The following ADAM8 variants were observed in gnomAD, a reference collection of about 807,000 sequenced individuals.
The protein encoded by ADAM8 is ADAM metallopeptidase domain 8.
ADAM8 carries 104 observed loss-of-function variants against 102.4 expected under a neutral mutation model. The ratio of observed to expected loss-of-function variants is 1.02; its 90% CI spans 0.87 to 1.20. ADAM8 has a LOEUF of 1.20. ADAM8 is among the 50% of genes most tolerant of loss of function. The pLI is 0.00. For synonymous variants in ADAM8, 517 were observed against 485.2 expected, an observed-to-expected ratio of 1.07 and a Z score of -0.86; for missense variants, 1,132 against 1,159.0, an observed-to-expected ratio of 0.98 and a Z score of 0.34.
chr10:133,264,173 C>T (rs1288858264), intron 21 of ADAM8, among the ~76,000 whole-genome samples: 3 of 151,650 alleles, frequency 2.0e-5, no homozygotes, highest in African/African-American at 7.3e-5. Flanking sequence ...GCGATCCTCC[C>T]GCCTCAGCCT....
chr10:133,268,017 C>T lies in ADAM8; in HGVS notation c.2165G>A (p.Gly722Asp), dbSNP rs189154556. 8 of 1,260,856 alleles carry T rather than the reference C, an allele frequency of 6.3e-6. No homozygotes were observed. Among genetic ancestry groups the T allele is most frequent in the Non-Finnish European group, 8.0e-6 (8 of 996,054 alleles). The allele number at this position is 1,260,856 out of a possible 1,614,324, so 78.1% of individuals were successfully genotyped here. A position where few individuals can be genotyped will look rare whatever the true frequency, so the allele number is the denominator to read the frequency against. ...GGTGGTGGGGACCAGCTCTTGGGGG[C>T]CCCTGGATGGGGCTGGAGCCCCGCC... ...AKGGAPAPSRGPQELVPTTHP... is the reference protein window; with the variant it reads ...AKGGAPAPSRDPQELVPTTHP... Residue 722 changes from glycine (G) to aspartate (D), a missense_variant, in exon 20 of 23, where the codon GGC (glycine) becomes GAC (aspartate). Physicochemically the swap from Gly to Asp is moderately conservative, Grantham distance 94 (BLOSUM62 -1). Coordinates refer to ENST00000445355, the MANE Select transcript of ADAM8 (RefSeq NM_001109.5).
At chr10:133,270,235 G>T in intron 16 of ADAM8, 125 bp downstream of exon 16, 1 of 1,294,134 alleles carries the variant, frequency 7.7e-7, no homozygotes, top group Non-Finnish European at 1.1e-6. Flanking sequence ...TCTACTAGAA[G>T]CGCGGAGAGA....
intron 21 of ADAM8, among the ~76,000 whole-genome samples, chr10:133,266,522 C>T (rs2136074558): frequency 6.6e-6 from 1 of 152,288 alleles, no homozygotes. Context: ...GGAGGGGGTC[C>T]CCGGAGATGC....
At chr10:133,274,076 G>A (rs755857679) in intron 3 of ADAM8, 47 bp from the exon 4 acceptor site, 2 of 1,591,786 alleles carry the variant, frequency 1.3e-6, no homozygotes, top group Non-Finnish European at 8.5e-7. Context: ...GGTGCAGAGA[G>A]GCTGGCCCAG....
intron 20 of ADAM8, 131 bp from the exon 21 acceptor site, chr10:133,267,548 C>T (rs1846363629): frequency 2.2e-6 from 2 of 908,836 alleles, no homozygotes; most frequent in East Asian, 2.6e-5. Flanking sequence ...CACAGGGCCC[C>T]ACCCCAGATG....
intron 18 of ADAM8, 193 bp from the exon 19 acceptor site, chr10:133,269,055 T>C (rs956678321): frequency 3.0e-6 from 3 of 985,326 alleles, no homozygotes; most frequent in Admixed American, 6.1e-5. Context: ...AGGGTGGCCC[T>C]GGGCCACAGT....
At chr10:133,266,366 G>A (rs1191515058) in intron 21 of ADAM8, among the ~76,000 whole-genome samples, 1 of 152,148 alleles carries the variant, frequency 6.6e-6, no homozygotes, top group Non-Finnish European at 1.5e-5. Flanking sequence ...GATTCTCTAG[G>A]CTATTTTTGC....
Position 133,263,183 on chromosome 10 carries a change from T to C in ADAM8, c.2448A>G (p.Gln816=). The C allele has an allele frequency of 1.2e-6, 2 of 1,613,730 alleles. No homozygotes were observed. Among genetic ancestry groups the C allele is most frequent in the Non-Finnish European group, 1.7e-6 (2 of 1,179,728 alleles). ...AGGGTGCTGTGGGAGCTCCGGCTCC[T>C]TGCTTCCTCTGGATGGGGGGCTTCA... is the stretch of plus-strand genomic sequence containing the variant. ...VALKPPIQRK[Q]GAGAPTAP The change falls in exon 23 of 23, where the codon CAA becomes CAG. Residue 816 remains glutamine, a synonymous_variant. Transcript: ENST00000445355.
Position 133,269,441 on chromosome 10 carries a change from C to G in ADAM8, c.1948+4G>C. 6.3e-7 allele frequency: 1 copy of G among 1,584,348 alleles called. No homozygotes were observed. The highest frequency in any genetic ancestry group is 8.5e-7 in the Non-Finnish European group (1 of 1,169,884). Reference sequence around the variant, plus strand: ...CCCCACCTGCGCTGGCCAGGGAGGCCTACCTGCGTGCACCTCAGTCAGCAG... The same window carrying G: ...CCCCACCTGCGCTGGCCAGGGAGGCGTACCTGCGTGCACCTCAGTCAGCAG... On this transcript the variant is annotated splice_donor_region_variant and intron_variant, in intron 18 of 22. Transcript: ENST00000445355.
At chr10:133,263,643 G>GTCAGCCCCGTGGGGAGGCCGTGCCT in intron 22 of ADAM8, 45 bp downstream of exon 22, 1 of 244,256 alleles carries the variant, frequency 4.1e-6, no homozygotes, top group Admixed American at 1.3e-4. Flanking sequence ...AGGCCGTGCC[G>GTCAGCCCCGTGGGGAGGCCGTGCCT]TCCATTGCAC....
intron 20 of ADAM8, 25 bp downstream of exon 20, chr10:133,267,904 T>G: frequency 7.9e-7 from 1 of 1,258,622 alleles, no homozygotes; most frequent in Non-Finnish European, 1.0e-6. Flanking sequence ...TTCGGCCTCA[T>G]GAACCCGCCA....
chr10:133,272,568 G>A lies in ADAM8; in HGVS notation c.723C>T (p.Asn241=), dbSNP rs1004439805. ...NHVDKLYQKL[N]FRVVLVGLEI... Reference sequence around the variant, plus strand: ...CCAGGCCCACCAGGACCACACGGAAGTTGAGTTTCTGATATAGCTGGAGAG... The same window carrying A: ...CCAGGCCCACCAGGACCACACGGAAATTGAGTTTCTGATATAGCTGGAGAG... Residue 241 remains asparagine, a synonymous_variant, in exon 9 of 23, where the codon AAC becomes AAT. Transcript: ENST00000445355. 6 of 1,610,696 alleles carry A rather than the reference G, an allele frequency of 3.7e-6. No individual in the cohort carries two copies. In the African/African-American group the frequency reaches 8.0e-5, roughly 22 times the overall value.
In ADAM8 at chr10:133,275,598, G is replaced by C; in HGVS notation, c.47-11C>G. On this transcript the variant is annotated splice_polypyrimidine_tract_variant and intron_variant, in intron 1 of 22. Transcript: ENST00000445355. ...GGCTGGGGGCAATCGCTGCAGGAGG[G>C]AGGGTCAGCAGGCATGAGGGGCCGG... 6.9e-7 allele frequency: 1 copy of C among 1,456,740 alleles called. No individual in the cohort carries two copies. The highest frequency in any genetic ancestry group is 9.1e-7 in the Non-Finnish European group (1 of 1,100,666). 90.2% of individuals were successfully genotyped at this position (1,456,740 alleles called of 1,614,324 possible).
In ADAM8 at chr10:133,271,000, C is replaced by T. The variant is rs749352707; in HGVS notation, c.1445G>A (p.Arg482Gln). The change falls in exon 14 of 23, where the codon CGG (arginine) becomes CAG (glutamine). Residue 482 changes from arginine (R) to glutamine (Q), a missense_variant. Coordinates refer to ENST00000445355, the MANE Select transcript of ADAM8 (RefSeq NM_001109.5). Reference protein sequence around the residue: ...MCDLEEFCDGRHPECPEDAFQ... With the variant: ...MCDLEEFCDGQHPECPEDAFQ... ...GGCGTCTTCCGGGCACTCAGGGTGCCGGCCGTCACAGAACTCCTCGAGGTC... is the reference window on the plus strand; with the variant it reads ...GGCGTCTTCCGGGCACTCAGGGTGCTGGCCGTCACAGAACTCCTCGAGGTC... 2.9e-5 allele frequency: 46 copies of T among 1,612,846 alleles called. No homozygotes were observed. The highest frequency in any genetic ancestry group is 3.7e-5 in the Non-Finnish European group (44 of 1,179,966).
At chr10:133,265,668 G>C (rs1185673913) in intron 21 of ADAM8, among the ~76,000 whole-genome samples, 1 of 152,020 alleles carries the variant, frequency 6.6e-6, no homozygotes, top group African/African-American at 2.4e-5. Context: ...ATGGTCGCGG[G>C]CACCTGTAGT....
Position 133,276,833 on chromosome 10 carries a change from C to G in ADAM8, c.-16G>C. On this transcript the variant is annotated 5_prime_UTR_variant, in exon 1 of 23. Transcript: ENST00000445355. ...GGCCGCGCATGGCCGGGTCGGGGAG[C>G]AGAGGCGGAGGTGACAGCCCCGCGG... 6.6e-7 allele frequency: 1 copy of G among 1,521,770 alleles called. No homozygotes were observed. The highest frequency in any genetic ancestry group is 2.6e-5 in the East Asian group (1 of 37,904). The allele number at this position is 1,521,770 out of a possible 1,614,324, so 94.3% of individuals were successfully genotyped here. A position where few individuals can be genotyped will look rare whatever the true frequency, so the allele number is the denominator to read the frequency against.
intron 1 of ADAM8, 66 bp from the exon 2 acceptor site, chr10:133,275,653 G>A (rs1846726123): frequency 7.1e-6 from 6 of 847,792 alleles, no homozygotes; most frequent in Admixed American, 7.6e-5. Context: ...GAGGCCTCCT[G>A]GGCCCTCAGA....
At chr10:133,270,840 C>T (rs878974095) in intron 14 of ADAM8, 35 bp from the exon 15 acceptor site, 2 of 1,610,476 alleles carry the variant, frequency 1.2e-6, no homozygotes, top group South Asian at 2.2e-5. Flanking sequence ...CCTGGCAAGG[C>T]CTGCAGCCAC....
At position 133,268,019 on chromosome 10, in the gene ADAM8, C is replaced by A. The variant is rs1368993277; in HGVS notation, c.2163G>T (p.Arg721Ser). The A allele has an allele frequency of 7.1e-6, 9 of 1,261,178 alleles. No homozygotes were observed. The highest frequency in any genetic ancestry group is 1.5e-5 in the African/African-American group (1 of 64,994). The allele number at this position is 1,261,178 out of a possible 1,614,324, so 78.1% of individuals were successfully genotyped here. Residue 721 changes from arginine to serine, a missense_variant, in exon 20 of 23, where the codon AGG (arginine) becomes AGT (serine). Arg to Ser is a moderately radical substitution (Grantham distance 110, BLOSUM62 -1). Coordinates refer to ENST00000445355, the MANE Select transcript of ADAM8 (RefSeq NM_001109.5). ...TGGTGGGGACCAGCTCTTGGGGGCC[C>A]CTGGATGGGGCTGGAGCCCCGCCCT... ...PAKGGAPAPS[R>S]GPQELVPTTH...
Sources: allele counts gnomAD v4.1 joint callset (sites outside exome capture counted in the v4.1 genomes callset), GRCh38; gene constraint gnomAD v4.1.1; transcripts MANE v1.5; gene names NCBI Gene and HGNC (gene_info 2026-07-23, HGNC 2026-07-21).